AP3S2: variants seen among roughly 807,000 people sequenced by gnomAD.
The protein encoded by AP3S2 is AP-3 complex subunit sigma-2.
Under a neutral mutation model 23.4 loss-of-function variants are expected in AP3S2, and 22 were observed. That is an observed-to-expected ratio of 0.94 (90% CI 0.67 to 1.34). The LOEUF is 1.34. Among genes scored for constraint, AP3S2 ranks in the 40% most tolerant of loss-of-function variants. AP3S2 has a pLI of 0.00. For synonymous variants in AP3S2, 86 were observed against 87.1 expected (o/e 0.99, Z 0.07); for missense variants, 241 against 236.9 (o/e 1.02, Z -0.11).
At chr15:89,868,505 C>T (rs1379558438) in intron 4 of AP3S2, among the ~76,000 whole-genome samples, 8 of 104,288 alleles carry the variant, frequency 7.7e-5, no homozygotes, top group Admixed American at 1.8e-4. Flanking sequence ...CCGCCCGGTC[C>T]GGGAGGGAGG....
chr15:89,866,034 G>A (rs866650945), intron 4 of AP3S2, among the ~76,000 whole-genome samples: 55 of 152,014 alleles, frequency 3.6e-4, no homozygotes, highest in Admixed American at 7.2e-4. Flanking sequence ...GACTGAGGTG[G>A]GTGGATCACC....
Position 89,847,343 on chromosome 15 carries a change from T to G in AP3S2, c.346-9621A>C, listed in dbSNP as rs537863515. On this transcript the variant is annotated intron_variant, in intron 4 of 5. Transcript: ENST00000336418. The stretch of plus-strand genomic sequence containing the variant: ...GACTTCAGTGATTGCACCACTGCAC[T>G]CCAGCCTGGGAGACAGGGCGAGACC... 2.2e-4 allele frequency among the ~76,000 whole-genome samples: 25 copies of G among 115,152 alleles called. No homozygotes were observed. The South Asian group carries it at 7.3e-3, about 34-fold the overall frequency. 75.5% of individuals were successfully genotyped at this position (115,152 alleles called of 152,430 possible). A position where few individuals can be genotyped will look rare whatever the true frequency, so the allele number is the denominator to read the frequency against.
chr15:89,864,152 T>G (rs961627669), intron 4 of AP3S2, among the ~76,000 whole-genome samples: 1 of 152,244 alleles, frequency 6.6e-6, no homozygotes, highest in Non-Finnish European at 1.5e-5. Context: ...CAAAATACTT[T>G]ATGGAACTTA....
intron 4 of AP3S2, among the ~76,000 whole-genome samples, chr15:89,869,221 C>CA (rs1896253129): frequency 6.8e-6 from 1 of 147,406 alleles, no homozygotes; most frequent in South Asian, 2.1e-4. Flanking sequence ...TTTTGTTCTG[C>CA]ACTAAGAAAA....
Position 89,889,043 on chromosome 15 carries a change from G to GT in AP3S2, c.161+5dup. On this transcript the variant is annotated splice_donor_region_variant and intron_variant, in intron 2 of 5. Transcript: ENST00000336418. ...TATGGGGAGAAAAATGAAGCTGACA[G>GT]TTTACCTTCCACCCTCCAAGAAGTT... 6.2e-7 allele frequency: 1 copy of GT among 1,614,152 alleles called. No individual in the cohort carries two copies. Among genetic ancestry groups the GT allele is most frequent in the Non-Finnish European group, 8.5e-7 (1 of 1,180,010 alleles).
chr15:89,839,909 T>C (rs1895287461), intron 4 of AP3S2, among the ~76,000 whole-genome samples: 3 of 151,838 alleles, frequency 2.0e-5, no homozygotes, highest in Non-Finnish European at 2.9e-5. Flanking sequence ...TGAGACACAA[T>C]GTAACACGGA....
At position 89,856,233 on chromosome 15, in the gene AP3S2, C is replaced by T. The variant is rs372996475; in HGVS notation, c.345+15242G>A. On this transcript the variant is annotated intron_variant, in intron 4 of 5. Transcript: ENST00000336418. Reference sequence around the variant, plus strand: ...CTAGCCAGTATGCACAAGTCATAACCTTCAAAGGCAAGGTCTAATTAGAAT... The same window carrying T: ...CTAGCCAGTATGCACAAGTCATAACTTTCAAAGGCAAGGTCTAATTAGAAT... Among the ~76,000 whole-genome samples the T allele has an allele frequency of 7.9e-5, 12 of 152,298 alleles. 1 individual carries two copies. The highest frequency in any genetic ancestry group is 3.9e-4 in the East Asian group (2 of 5,168).
intron 4 of AP3S2, among the ~76,000 whole-genome samples, chr15:89,861,922 G>T (rs1286486247): frequency 1.3e-5 from 2 of 152,178 alleles, no homozygotes; most frequent in African/African-American, 4.8e-5. Context: ...TTGAATGACA[G>T]GCAGTATTTA....
chr15:89,832,016 G>C lies in AP3S2; in HGVS notation c.*3499C>G, dbSNP rs1049759665. On this transcript the variant is annotated 3_prime_UTR_variant, in exon 6 of 6. Coordinates refer to ENST00000336418, the MANE Select transcript of AP3S2 (RefSeq NM_005829.5). ...GCACTCTGTCAAAGATGCTCACAGAGACAACAGGAGCAGACAGAGCCTTGT... is the reference window on the plus strand; with the variant it reads ...GCACTCTGTCAAAGATGCTCACAGACACAACAGGAGCAGACAGAGCCTTGT... 3 of 152,228 alleles carry C rather than the reference G, an allele frequency of 2.0e-5. No individual in the cohort carries two copies. Among genetic ancestry groups the C allele is most frequent in the Non-Finnish European group, 4.4e-5 (3 of 68,040 alleles). 9.4% of individuals were successfully genotyped at this position (152,228 alleles called of 1,614,324 possible). A position where few individuals can be genotyped will look rare whatever the true frequency, so the allele number is the denominator to read the frequency against.
At chr15:89,863,287 C>T (rs1241357347) in intron 4 of AP3S2, among the ~76,000 whole-genome samples, 3 of 152,042 alleles carry the variant, frequency 2.0e-5, no homozygotes, top group African/African-American at 7.2e-5. Context: ...CGTAAATCAC[C>T]CACGAATTCA....
intron 4 of AP3S2, among the ~76,000 whole-genome samples, chr15:89,850,980 GCTGGGATTACAGCAC>G (rs1895637214): frequency 6.6e-6 from 1 of 152,068 alleles, no homozygotes; most frequent in East Asian, 1.9e-4. Context: ...CTCCCAGAGT[GCTGGGATTACAGCAC>G]CTGGCCGATT....
intron 3 of AP3S2, among the ~76,000 whole-genome samples, chr15:89,881,749 C>G (rs934662204): frequency 3.9e-5 from 6 of 151,916 alleles, no homozygotes; most frequent in African/African-American, 1.5e-4. Context: ...TTTAAAATGA[C>G]ACATTTCAGT....
intron 1 of AP3S2, chr15:89,893,666 G>T: frequency 1.8e-6 from 1 of 546,704 alleles, no homozygotes; most frequent in South Asian, 2.4e-5. Context: ...CCAGGATCAA[G>T]AAAAGGGTCA....
intron 5 of AP3S2, among the ~76,000 whole-genome samples, chr15:89,836,339 A>T (rs1181632695): frequency 6.6e-6 from 1 of 152,156 alleles, no homozygotes; most frequent in Non-Finnish European, 1.5e-5. Flanking sequence ...TCTGGTTACA[A>T]AACAAAACAA....
intron 4 of AP3S2, among the ~76,000 whole-genome samples, chr15:89,843,737 G>A (rs937464619): frequency 6.6e-6 from 1 of 152,204 alleles, no homozygotes; most frequent in African/African-American, 2.4e-5. Flanking sequence ...GAACCCAGGA[G>A]GAGGAGGTTA....
chr15:89,864,936 A>G (rs910100872), intron 4 of AP3S2, among the ~76,000 whole-genome samples: 1 of 152,184 alleles, frequency 6.6e-6, no homozygotes, highest in African/African-American at 2.4e-5. Flanking sequence ...ACCTCCTAAT[A>G]GGCAATAAAC....
Position 89,839,042 on chromosome 15 carries a change from C to G in AP3S2, c.346-1320G>C, listed in dbSNP as rs1295131282. Among the ~76,000 whole-genome samples, 3 of 152,144 alleles carry G rather than the reference C, an allele frequency of 2.0e-5. No individual in the cohort carries two copies. The East Asian group carries it at 5.8e-4, about 29-fold the overall frequency. On this transcript the variant is annotated intron_variant, in intron 4 of 5. Transcript: ENST00000336418. Reference sequence around the variant, plus strand: ...CTGTCCTGTCACTGTGGCCTGTTCTCTAGCATCCCTGGTCTCTACTCCTCC... The same window carrying G: ...CTGTCCTGTCACTGTGGCCTGTTCTGTAGCATCCCTGGTCTCTACTCCTCC...
chr15:89,836,824 T>C (rs1158894178), intron 5 of AP3S2, among the ~76,000 whole-genome samples: 1 of 152,198 alleles, frequency 6.6e-6, no homozygotes, highest in African/African-American at 2.4e-5. Context: ...ATAGCTGTGG[T>C]CTGGAAAAGC....
intron 4 of AP3S2, among the ~76,000 whole-genome samples, chr15:89,867,929 T>C (rs1487831952): frequency 4.0e-5 from 5 of 124,600 alleles, no homozygotes; most frequent in Non-Finnish European, 7.0e-5. Context: ...GTGGGGGGGG[T>C]CAGCCCCCCA....
Sources: allele counts gnomAD v4.1 joint callset (sites outside exome capture counted in the v4.1 genomes callset), GRCh38; gene constraint gnomAD v4.1.1; transcripts MANE v1.5; gene names NCBI Gene and HGNC (gene_info 2026-07-23, HGNC 2026-07-21).